The following ZBTB20 variants were observed in gnomAD, a reference collection of about 807,000 sequenced individuals.
The protein encoded by ZBTB20 is zinc finger and BTB domain-containing protein 20.
Under a neutral mutation model 56.9 loss-of-function variants are expected in ZBTB20, and 9 were observed. That is an observed-to-expected ratio of 0.16 (90% CI 0.10 to 0.28). ZBTB20 has a LOEUF of 0.28. ZBTB20 is among the 10% of genes least tolerant of loss of function. ZBTB20 has a pLI of 1.00. For missense variants in ZBTB20, 655 were observed against 1,003.0 expected, an observed-to-expected ratio of 0.65 and a Z score of 4.69; for synonymous variants, 417 against 420.7, an observed-to-expected ratio of 0.99 and a Z score of 0.11.
chr3:115,108,400 C>T (rs1230704574), intron 1 of ZBTB20, among the ~76,000 whole-genome samples: 2 of 152,016 alleles, frequency 1.3e-5, no homozygotes, highest in Admixed American at 1.3e-4. Flanking sequence ...TTAAACTGTA[C>T]TACATAAAAA....
intron 4 of ZBTB20, among the ~76,000 whole-genome samples, chr3:114,876,853 CTCTT>C (rs367930867): frequency 3.0e-3 from 464 of 152,286 alleles, no homozygotes; most frequent in Non-Finnish European, 4.2e-3. Context: ...TGGAAATTCT[CTCTT>C]TCTCTCTAAT....
At chr3:114,508,078 C>G (rs906822195) in intron 6 of ZBTB20, among the ~76,000 whole-genome samples, 1 of 152,032 alleles carries the variant, frequency 6.6e-6, no homozygotes, top group Admixed American at 6.6e-5. Context: ...TGTATATAAA[C>G]TCAATTTCCA....
intron 2 of ZBTB20, among the ~76,000 whole-genome samples, chr3:115,013,887 A>G (rs2079828864): frequency 6.7e-6 from 1 of 148,972 alleles, no homozygotes. Flanking sequence ...AACATCTACC[A>G]TAAGATCCAG....
intron 4 of ZBTB20, among the ~76,000 whole-genome samples, chr3:114,835,651 A>G (rs1209022895): frequency 2.0e-5 from 3 of 152,146 alleles, no homozygotes; most frequent in Non-Finnish European, 4.4e-5. Flanking sequence ...TAAGCCCCTC[A>G]GTTTCATATT....
At chr3:115,047,729 T>C (rs1159871771) in intron 2 of ZBTB20, among the ~76,000 whole-genome samples, 4 of 152,142 alleles carry the variant, frequency 2.6e-5, no homozygotes, top group African/African-American at 7.2e-5. Flanking sequence ...TTGGTTGAGA[T>C]AAACACAAGC....
intron 7 of ZBTB20, among the ~76,000 whole-genome samples, chr3:114,430,475 GC>G (rs1687286373): frequency 6.6e-6 from 1 of 152,150 alleles, no homozygotes; most frequent in Non-Finnish European, 1.5e-5. Context: ...AATGCCACTG[GC>G]AGTCTTTTTA....
At chr3:115,126,209 T>A (rs551053563) in intron 1 of ZBTB20, among the ~76,000 whole-genome samples, 9 of 152,306 alleles carry the variant, frequency 5.9e-5, no homozygotes, top group African/African-American at 2.2e-4. Flanking sequence ...CAATACCATA[T>A]GTTAAAGAGA....
At chr3:114,616,082 G>A (rs1459786342) in intron 6 of ZBTB20, among the ~76,000 whole-genome samples, 2 of 152,148 alleles carry the variant, frequency 1.3e-5, no homozygotes, top group African/African-American at 4.8e-5. Context: ...CTAATGACTC[G>A]AGGTGCACTT....
chr3:114,622,265 A>G (rs947659296), intron 6 of ZBTB20, among the ~76,000 whole-genome samples: 2 of 151,978 alleles, frequency 1.3e-5, no homozygotes, highest in African/African-American at 4.8e-5. Flanking sequence ...AGCTAGTTAC[A>G]TTTTTTATAA....
intron 6 of ZBTB20, among the ~76,000 whole-genome samples, chr3:114,581,961 A>T (rs1361545616): frequency 1.3e-5 from 2 of 152,192 alleles, no homozygotes; most frequent in Non-Finnish European, 2.9e-5. Context: ...TGTGATTGGG[A>T]AACAATTAAA....
At chr3:114,753,056 A>G (rs1239599975) in intron 5 of ZBTB20, among the ~76,000 whole-genome samples, 2 of 151,974 alleles carry the variant, frequency 1.3e-5, no homozygotes, top group African/African-American at 4.8e-5. Flanking sequence ...GAAGTTTCCC[A>G]CAAGAAGTGT....
chr3:114,920,595 G>A (rs1576327949), intron 3 of ZBTB20, among the ~76,000 whole-genome samples: 1 of 151,912 alleles, frequency 6.6e-6, no homozygotes, highest in Admixed American at 6.6e-5. Flanking sequence ...TTAAACAAAT[G>A]AAAATGGGCA....
rs2078664473 is a variant in ZBTB20, at chr3:114,315,835, C to T, written c.*23170G>A. 6.5e-6 allele frequency: 1 copy of T among 153,492 alleles called. No homozygotes were observed. Among genetic ancestry groups the T allele is most frequent in the African/African-American group, 2.4e-5 (1 of 41,432 alleles). The allele number at this position is 153,492 out of a possible 1,614,324, so 9.5% of individuals were successfully genotyped here. On this transcript the variant is annotated 3_prime_UTR_variant, in exon 12 of 12. Coordinates refer to ENST00000675478, the MANE Select transcript of ZBTB20 (RefSeq NM_001348800.3). ...GCACATGTATATGTTAACAGCTAGC[C>T]ATTCAGCCAACAGGTAACAGAAAGA...
chr3:114,963,390 C>T (rs1183230327), intron 3 of ZBTB20, among the ~76,000 whole-genome samples: 2 of 152,116 alleles, frequency 1.3e-5, no homozygotes, highest in Non-Finnish European at 1.5e-5. Flanking sequence ...GTACTGTATA[C>T]TCAGTGCTTA....
rs575994528 is a variant in ZBTB20 at position 114,657,171 on chromosome 3, T to G, written c.-295+36357A>C. On this transcript the variant is annotated intron_variant, in intron 6 of 11. Transcript: ENST00000675478. The stretch of plus-strand genomic sequence containing the variant: ...TTATCTTTCTCTAATGCAATGCATT[T>G]TTCTTCTAGCAGGTTATTAAATTAC... Among the ~76,000 whole-genome samples the G allele has an allele frequency of 4.6e-5, 7 of 152,340 alleles. No homozygotes were observed. In the East Asian group the frequency reaches 1.3e-3, roughly 29 times the overall value.
intron 4 of ZBTB20, among the ~76,000 whole-genome samples, 156 bp from the exon 5 acceptor site, chr3:114,801,330 G>GAAA (rs779994547): frequency 3.0e-5 from 2 of 67,030 alleles, no homozygotes; most frequent in Non-Finnish European, 6.2e-5. Flanking sequence ...TTCTGTTAAG[G>GAAA]AAAAAAAAAA....
intron 2 of ZBTB20, among the ~76,000 whole-genome samples, chr3:115,033,221 T>C (rs977776287): frequency 7.3e-5 from 11 of 150,768 alleles, no homozygotes; most frequent in African/African-American, 2.7e-4. Context: ...TATAAAAGAG[T>C]ACGATGAGCA....
At chr3:115,121,346 T>G (rs2084176339) in intron 1 of ZBTB20, among the ~76,000 whole-genome samples, 2 of 152,026 alleles carry the variant, frequency 1.3e-5, no homozygotes, top group South Asian at 4.1e-4. Context: ...CCTTTCAAAT[T>G]TTACCTATTG....
intron 6 of ZBTB20, among the ~76,000 whole-genome samples, chr3:114,634,330 TA>T (rs2059136151): frequency 6.6e-6 from 1 of 152,186 alleles, no homozygotes; most frequent in Non-Finnish European, 1.5e-5. Flanking sequence ...CGATGTATCC[TA>T]ACCTAATCAA....
Sources: allele counts gnomAD v4.1 joint callset (sites outside exome capture counted in the v4.1 genomes callset), GRCh38; gene constraint gnomAD v4.1.1; transcripts MANE v1.5; gene names NCBI Gene and HGNC (gene_info 2026-07-23, HGNC 2026-07-21).